The following MAP2K6 variants were observed in gnomAD, a reference collection of about 807,000 sequenced individuals.
The protein encoded by MAP2K6 is mitogen-activated protein kinase kinase 6.
In MAP2K6, 16 loss-of-function variants were observed where a neutral mutation model predicts 53.7. The observed-to-expected ratio is 0.30, with a 90% CI of 0.20 to 0.45. The LOEUF is 0.45. Among genes scored for constraint, MAP2K6 ranks in the 20% least tolerant of loss-of-function variants. MAP2K6 has a pLI of 1.00. For synonymous variants in MAP2K6, 132 were observed against 143.1 expected (o/e 0.92, Z 0.55); for missense variants, 204 against 411.9 (o/e 0.50, Z 4.37).
intron 11 of MAP2K6, among the ~76,000 whole-genome samples, chr17:69,540,833 G>T (rs1017838467): frequency 6.6e-6 from 1 of 152,152 alleles, no homozygotes; most frequent in Admixed American, 6.5e-5. Flanking sequence ...AATAAAGCTC[G>T]TGGCTTGGCA....
chr17:69,541,212 A>G lies in MAP2K6; in HGVS notation c.928-464A>G, dbSNP rs367833787. On this transcript the variant is annotated intron_variant, in intron 11 of 11. Coordinates refer to ENST00000590474, the MANE Select transcript of MAP2K6 (RefSeq NM_002758.4). ...CGGGAGGCAGAGTTTGCAGTGAGCC[A>G]AGATCGCACCACTGCACTCCAGCCT... Among the ~76,000 whole-genome samples, 242 of 152,194 alleles carry G rather than the reference A, an allele frequency of 1.6e-3. No homozygotes were observed. In the Middle Eastern group the frequency reaches 0.055, roughly 35 times the overall value.
intron 11 of MAP2K6, among the ~76,000 whole-genome samples, chr17:69,536,589 G>C (rs187289374): frequency 9.2e-5 from 14 of 152,184 alleles, no homozygotes; most frequent in Admixed American, 8.5e-4. Flanking sequence ...AACTTTTTGG[G>C]GGGTAGCTAA....
At chr17:69,478,727 A>G (rs1908246945) in intron 1 of MAP2K6, among the ~76,000 whole-genome samples, 1 of 152,180 alleles carries the variant, frequency 6.6e-6, no homozygotes, top group Non-Finnish European at 1.5e-5. Context: ...GCCTGGCCTC[A>G]TATTTTACTT....
chr17:69,432,476 A>G (rs1015421310), intron 1 of MAP2K6, among the ~76,000 whole-genome samples: 1 of 152,208 alleles, frequency 6.6e-6, no homozygotes, highest in Non-Finnish European at 1.5e-5. Flanking sequence ...TGCAGCCATA[A>G]AAAGGAATGA....
intron 1 of MAP2K6, among the ~76,000 whole-genome samples, chr17:69,497,707 G>T (rs1598291131): frequency 6.6e-6 from 1 of 152,100 alleles, no homozygotes; most frequent in East Asian, 1.9e-4. Context: ...AGAAAACTCA[G>T]AATTCTTTGA....
intron 1 of MAP2K6, among the ~76,000 whole-genome samples, chr17:69,458,105 G>A (rs1193726276): frequency 6.6e-6 from 1 of 152,042 alleles, no homozygotes; most frequent in Non-Finnish European, 1.5e-5. Flanking sequence ...CCAGGCTGGA[G>A]TGCAATGGTG....
chr17:69,468,630 C>T (rs542843412), intron 1 of MAP2K6, among the ~76,000 whole-genome samples: 1 of 152,138 alleles, frequency 6.6e-6, no homozygotes, highest in East Asian at 1.9e-4. Flanking sequence ...AAGCTGAGTT[C>T]GAAAAGGTGC....
At chr17:69,440,735 T>G (rs1250382864) in intron 1 of MAP2K6, among the ~76,000 whole-genome samples, 2 of 151,910 alleles carry the variant, frequency 1.3e-5, no homozygotes, top group African/African-American at 4.8e-5. Flanking sequence ...TGACAGGTTT[T>G]GTTTTGTTTT....
intron 1 of MAP2K6, among the ~76,000 whole-genome samples, chr17:69,504,960 G>A (rs2145221593): frequency 6.6e-6 from 1 of 152,120 alleles, no homozygotes; most frequent in South Asian, 2.1e-4. Context: ...GGGGAGGGCA[G>A]AACAGTGGAA....
chr17:69,499,418 C>G (rs896878719), intron 1 of MAP2K6, among the ~76,000 whole-genome samples: 2 of 152,210 alleles, frequency 1.3e-5, no homozygotes, highest in African/African-American at 2.4e-5. Context: ...GGAGATTGTA[C>G]ATCATCTCCA....
At chr17:69,492,227 A>G (rs1908778931) in intron 1 of MAP2K6, among the ~76,000 whole-genome samples, 1 of 152,164 alleles carries the variant, frequency 6.6e-6, no homozygotes, top group South Asian at 2.1e-4. Flanking sequence ...ATCTTTGCCC[A>G]TTCCTATGGC....
intron 1 of MAP2K6, chr17:69,504,615 C>G (rs1909363371): frequency 6.6e-6 from 1 of 152,304 alleles, no homozygotes; most frequent in African/African-American, 2.4e-5. Flanking sequence ...GCAGCTCTCC[C>G]TTGGTTTCCC....
chr17:69,470,208 A>G (rs1907942134), intron 1 of MAP2K6, among the ~76,000 whole-genome samples: 1 of 152,232 alleles, frequency 6.6e-6, no homozygotes, highest in African/African-American at 2.4e-5. Flanking sequence ...TGTTGCAGAA[A>G]GAAAACCATA....
intron 1 of MAP2K6, among the ~76,000 whole-genome samples, chr17:69,457,605 C>T (rs1020514281): frequency 2.6e-5 from 4 of 151,966 alleles, no homozygotes; most frequent in East Asian, 1.9e-4. Context: ...TCTGGGAGGC[C>T]GAGGCAGGAG....
intron 1 of MAP2K6, among the ~76,000 whole-genome samples, chr17:69,459,528 A>G (rs1485806164): frequency 6.6e-6 from 1 of 152,010 alleles, no homozygotes; most frequent in Non-Finnish European, 1.5e-5. Flanking sequence ...CCTGGCCAAC[A>G]TGGTAAAACC....
intron 11 of MAP2K6, among the ~76,000 whole-genome samples, chr17:69,536,588 G>C (rs1381756012): frequency 6.6e-6 from 1 of 152,078 alleles, no homozygotes; most frequent in Non-Finnish European, 1.5e-5. Context: ...CAACTTTTTG[G>C]GGGGTAGCTA....
chr17:69,518,638 C>CT (rs1301738954), intron 4 of MAP2K6, among the ~76,000 whole-genome samples: 1 of 152,172 alleles, frequency 6.6e-6, no homozygotes, highest in Non-Finnish European at 1.5e-5. Context: ...GATCCTTTTG[C>CT]TTTTAAAGAA....
chr17:69,536,144 C>T lies in MAP2K6; in HGVS notation c.911C>T (p.Thr304Ile), dbSNP rs770241284. The change falls in exon 11 of 12, where the codon ACA becomes ATA. Residue 304 changes from threonine (T) to isoleucine (I), a missense_variant. Physicochemically the swap from Thr to Ile is moderately conservative, Grantham distance 89 (BLOSUM62 -1). This residue lies in a region of MAP2K6 where 47 missense variants were observed against 62.3 expected (regional missense o/e 0.75). Coordinates refer to ENST00000590474, the MANE Select transcript of MAP2K6 (RefSeq NM_002758.4). ...CLKKNSKERP[T>I]YPELMQHPFF... ...AAGAAGAATTCCAAAGAACGGCCTA[C>T]ATACCCAGAGCTAATGGTGAGTATT... 6.2e-7 allele frequency: 1 copy of T among 1,611,332 alleles called. No homozygotes were observed. Among genetic ancestry groups the T allele is most frequent in the East Asian group, 2.2e-5 (1 of 44,786 alleles).
intron 1 of MAP2K6, among the ~76,000 whole-genome samples, chr17:69,425,692 C>T (rs1355433988): frequency 1.3e-5 from 2 of 152,130 alleles, no homozygotes; most frequent in African/African-American, 2.4e-5. Context: ...TTTCATGATC[C>T]CATGTCGAAG....
Sources: gnomAD v4.1 joint callset for allele counts (sites outside exome capture counted in the v4.1 genomes callset) on GRCh38, gnomAD v4.1.1 for gene constraint, gnomAD v4.1.1 regional missense constraint, MANE v1.5 for transcripts, NCBI Gene and HGNC (gene_info 2026-07-23, HGNC 2026-07-21) for gene names.